The following TBC1D19 variants were observed in gnomAD, a reference collection of about 807,000 sequenced individuals.
TBC1D19 encodes TBC1 domain family, member 19.
A neutral mutation model predicts 89.0 loss-of-function variants in TBC1D19; 60 were observed. That is an observed-to-expected ratio of 0.67 (90% confidence interval 0.55 to 0.84). The LOEUF (loss-of-function observed/expected upper bound fraction) is 0.84, where lower values mean the gene tolerates loss of function less well. TBC1D19 is among the 40% of genes least tolerant of loss of function. The pLI, the probability that TBC1D19 is intolerant of heterozygous loss-of-function variation, is 0.00. For synonymous variants in TBC1D19, 189 were observed against 199.7 expected (o/e 0.95, Z 0.45); for missense variants, 500 against 610.8 (o/e 0.82, Z 1.91).
At chr4:26,762,773 T>C in the TBC1D19 span, among the ~76,000 whole-genome samples, 1 of 151,820 alleles carries the variant, frequency 6.6e-6, no homozygotes, top group African/African-American at 2.4e-5. Flanking sequence ...AACAGGAGGG[T>C]ATGAGTCACA....
chr4:26,581,751 C>A (rs1341596900), upstream of TBC1D19, among the ~76,000 whole-genome samples: 1 of 152,160 alleles, frequency 6.6e-6, no homozygotes, highest in African/African-American at 2.4e-5. Context: ...CTTTGTATAG[C>A]AGCCACATAA....
At chr4:26,636,047 T>G (rs1394284139) in intron 4 of TBC1D19, among the ~76,000 whole-genome samples, 1 of 152,148 alleles carries the variant, frequency 6.6e-6, no homozygotes. Context: ...TTACATGTAT[T>G]AACATCTTTA....
At chr4:26,582,170 ATTATTT>A (rs886348735), upstream of TBC1D19, among the ~76,000 whole-genome samples, 1 of 152,020 alleles carries the variant, frequency 6.6e-6, no homozygotes, top group African/African-American at 2.4e-5. Flanking sequence ...AGTACTGGGC[ATTATTT>A]TTATTTAATT....
chr4:26,663,517 G>T (rs1457609984), intron 8 of TBC1D19, among the ~76,000 whole-genome samples: 1 of 152,168 alleles, frequency 6.6e-6, no homozygotes, highest in Non-Finnish European at 1.5e-5. Context: ...GCAGGGAAAG[G>T]ATAATTTAGA....
In TBC1D19 at chr4:26,740,224, A is replaced by T. The variant is rs114628454; in HGVS notation, c.1227+251A>T. 8.9e-3 allele frequency among the ~76,000 whole-genome samples: 1,354 copies of T among 152,322 alleles called. 12 individuals are homozygous for T. The highest frequency in any genetic ancestry group is 0.052 in the South Asian group (251 of 4,826). On this transcript the variant is annotated intron_variant, in intron 17 of 20. Coordinates refer to ENST00000264866, the MANE Select transcript of TBC1D19 (RefSeq NM_018317.4). ...TTTTTTTCTTTTACATATTAAAAAAATTAGAATGTCTGTATTATTATTCTT... is the reference window on the plus strand; with the variant it reads ...TTTTTTTCTTTTACATATTAAAAAATTTAGAATGTCTGTATTATTATTCTT...
At chr4:26,695,070 A>C (rs989048381) in intron 13 of TBC1D19, among the ~76,000 whole-genome samples, 2 of 152,154 alleles carry the variant, frequency 1.3e-5, no homozygotes, top group Admixed American at 6.5e-5. Context: ...TGAGAGAAGA[A>C]GGCTTCAGAT....
chr4:26,810,571 C>T, the TBC1D19 span, among the ~76,000 whole-genome samples: 3 of 152,114 alleles, frequency 2.0e-5, no homozygotes, highest in South Asian at 4.1e-4. Context: ...TTGCAGTTCT[C>T]GGGACACATT....
chr4:26,692,351 CAA>C (rs1714370225), intron 13 of TBC1D19, among the ~76,000 whole-genome samples: 2 of 152,132 alleles, frequency 1.3e-5, no homozygotes, highest in South Asian at 2.1e-4. Flanking sequence ...CTCAGCAGGC[CAA>C]AAATACTAGG....
At chr4:26,677,024 G>A (rs1409331853) in intron 11 of TBC1D19, among the ~76,000 whole-genome samples, 3 of 152,056 alleles carry the variant, frequency 2.0e-5, no homozygotes, top group Non-Finnish European at 4.4e-5. Flanking sequence ...GTGAACCTAA[G>A]CACTCGTGTA....
At chr4:26,735,401 C>G in intron 15 of TBC1D19, 54 bp from the exon 16 acceptor site, 2 of 1,387,126 alleles carry the variant, frequency 1.4e-6, no homozygotes, top group Admixed American at 4.8e-5. Flanking sequence ...TAAAGCTTAC[C>G]TAATAATCAG....
chr4:26,753,311 G>C (rs2109337017), intron 19 of TBC1D19, among the ~76,000 whole-genome samples: 1 of 152,162 alleles, frequency 6.6e-6, no homozygotes, highest in African/African-American at 2.4e-5. Context: ...AGAAATACCT[G>C]CACCAAAATA....
chr4:26,699,117 G>A (rs1323733546), intron 13 of TBC1D19, among the ~76,000 whole-genome samples: 1 of 152,176 alleles, frequency 6.6e-6, no homozygotes, highest in Non-Finnish European at 1.5e-5. Flanking sequence ...CTACTCATCT[G>A]ACAAAGGGCT....
the TBC1D19 span, among the ~76,000 whole-genome samples, chr4:26,769,913 T>C: frequency 6.6e-6 from 1 of 152,002 alleles, no homozygotes; most frequent in African/African-American, 2.4e-5. Context: ...ATAAGTTAAA[T>C]ACGTATATTT....
chr4:26,703,622 C>A (rs1055228989), intron 13 of TBC1D19, among the ~76,000 whole-genome samples: 2 of 152,098 alleles, frequency 1.3e-5, no homozygotes, highest in Admixed American at 1.3e-4. Flanking sequence ...TGTTTACATA[C>A]AGATGAGAAA....
At chr4:26,582,939 T>C (rs1739150902), upstream of TBC1D19, among the ~76,000 whole-genome samples, 1 of 152,234 alleles carries the variant, frequency 6.6e-6, no homozygotes, top group Admixed American at 6.5e-5. Context: ...AATGTAGTCT[T>C]TGGACCATCG....
intron 8 of TBC1D19, among the ~76,000 whole-genome samples, chr4:26,662,574 T>C (rs541060867): frequency 6.6e-6 from 1 of 152,178 alleles, no homozygotes; most frequent in Non-Finnish European, 1.5e-5. Flanking sequence ...TGAAAAGGCT[T>C]ACCAAGTACC....
intron 8 of TBC1D19, among the ~76,000 whole-genome samples, chr4:26,662,315 G>A (rs1187084846): frequency 6.6e-6 from 1 of 152,058 alleles, no homozygotes; most frequent in East Asian, 1.9e-4. Flanking sequence ...TGAAAAGGAG[G>A]TTTTGGGATT....
At chr4:26,848,776 A>G in the TBC1D19 span, among the ~76,000 whole-genome samples, 3 of 152,190 alleles carry the variant, frequency 2.0e-5, no homozygotes, top group East Asian at 3.9e-4. Context: ...GTTTGTACAC[A>G]TTAATGTAGC....
In TBC1D19 at chr4:26,631,343, A is replaced by G. The variant is rs557833499; in HGVS notation, c.295-5868A>G. On this transcript the variant is annotated intron_variant, in intron 4 of 20. Coordinates refer to ENST00000264866, the MANE Select transcript of TBC1D19 (RefSeq NM_018317.4). The stretch of plus-strand genomic sequence containing the variant: ...ACTTTTTGCAAACTATCTCTGTCCC[A>G]TATTATTTGTATATCTGTCTTATCC... 1.8e-4 allele frequency among the ~76,000 whole-genome samples: 27 copies of G among 152,160 alleles called. 1 individual carries two copies. The highest frequency in any genetic ancestry group is 6.3e-4 in the African/African-American group (26 of 41,552).
Sources: gnomAD v4.1 joint callset for allele counts (sites outside exome capture counted in the v4.1 genomes callset) on GRCh38, gnomAD v4.1.1 for gene constraint, MANE v1.5 for transcripts, NCBI Gene and HGNC (gene_info 2026-07-23, HGNC 2026-07-21) for gene names.